The following SEMA3A variants were observed in gnomAD, a reference collection of about 807,000 sequenced individuals.
SEMA3A encodes semaphorin-3A.
Under a neutral mutation model 97.9 loss-of-function variants are expected in SEMA3A, and 29 were observed. The observed-to-expected ratio is 0.30, with a 90% CI of 0.22 to 0.40. SEMA3A has a LOEUF of 0.40. SEMA3A is among the 10% of genes least tolerant of loss of function. The pLI is 1.00. For synonymous variants in SEMA3A, 321 were observed against 323.7 expected (o/e 0.99, Z 0.09); for missense variants, 763 against 951.3 (o/e 0.80, Z 2.60).
At chr7:84,026,396 A>G (rs903432705) in intron 6 of SEMA3A, among the ~76,000 whole-genome samples, 5 of 152,210 alleles carry the variant, frequency 3.3e-5, no homozygotes, top group African/African-American at 7.2e-5. Context: ...TTTGTTTTCT[A>G]TTAAAAGTCT....
intron 3 of SEMA3A, among the ~76,000 whole-genome samples, chr7:84,206,957 T>G (rs553825326): frequency 6.6e-6 from 1 of 152,310 alleles, no homozygotes; most frequent in Admixed American, 6.5e-5. Flanking sequence ...CCTTTAAATA[T>G]TCAATTATTT....
At position 84,005,497 on chromosome 7, in the gene SEMA3A, G is replaced by A. The variant is rs771418664; in HGVS notation, c.1202C>T (p.Thr401Ile). ...CATGGCTGGATGACTTCTTGCAAAG[G>A]TTATAACATCATCAGGAAGGTCCTT... ...STKDLPDDVI[T>I]FARSHPAMYN... The change falls in exon 11 of 17, where the codon ACC becomes ATC. Residue 401 changes from threonine (T) to isoleucine (I), a missense_variant. This residue lies in a region of SEMA3A where 678 missense variants were observed against 881.3 expected (regional missense o/e 0.77). Coordinates refer to ENST00000265362, the MANE Select transcript of SEMA3A (RefSeq NM_006080.3). 4.3e-6 allele frequency: 7 copies of A among 1,614,000 alleles called. No homozygotes were observed. The highest frequency in any genetic ancestry group is 5.9e-6 in the Non-Finnish European group (7 of 1,179,966).
intron 9 of SEMA3A, among the ~76,000 whole-genome samples, chr7:84,008,249 TG>T (rs1364293837): frequency 1.3e-5 from 2 of 152,138 alleles, no homozygotes; most frequent in South Asian, 2.1e-4. Flanking sequence ...ACCGGCACTT[TG>T]GGAGGCCAAG....
intron 1 of SEMA3A, among the ~76,000 whole-genome samples, chr7:84,453,755 GC>G (rs1805621685): frequency 6.6e-6 from 1 of 152,036 alleles, no homozygotes; most frequent in South Asian, 2.1e-4. Context: ...ATAGCTGTCT[GC>G]CTTTCTTTGC....
At chr7:84,056,646 C>G (rs1052930497) in intron 5 of SEMA3A, among the ~76,000 whole-genome samples, 1 of 151,898 alleles carries the variant, frequency 6.6e-6, no homozygotes, top group Non-Finnish European at 1.5e-5. Context: ...CACATACACA[C>G]AGAGCACGGA....
intron 4 of SEMA3A, among the ~76,000 whole-genome samples, chr7:84,072,556 T>A (rs1458184518): frequency 3.3e-5 from 5 of 152,150 alleles, no homozygotes; most frequent in Admixed American, 3.3e-4. Context: ...CACCTTGTAT[T>A]TATTTTTGAG....
intron 3 of SEMA3A, among the ~76,000 whole-genome samples, chr7:84,215,056 A>G (rs181839411): frequency 1.3e-5 from 2 of 152,114 alleles, no homozygotes; most frequent in East Asian, 3.9e-4. Context: ...TATTTTTAGT[A>G]GAGACAGGGT....
intron 3 of SEMA3A, among the ~76,000 whole-genome samples, chr7:84,217,496 A>G (rs1798777300): frequency 6.6e-6 from 1 of 152,218 alleles, no homozygotes; most frequent in South Asian, 2.1e-4. Flanking sequence ...TTATGTTATA[A>G]TATGGCTTAC....
In SEMA3A at chr7:84,393,146, CT is replaced by C. The variant is rs535933177; in HGVS notation, c.-245-21247del. 8.4e-4 allele frequency among the ~76,000 whole-genome samples: 128 copies of C among 152,156 alleles called. 1 individual carries two copies. The highest frequency in any genetic ancestry group is 3.4e-3 in the Middle Eastern group (1 of 294). On this transcript the variant is annotated intron_variant, in intron 1 of 3. Coordinates refer to the SEMA3A transcript ENST00000424555. ...GAGCATTATTGTATAGTTTTTGCCCCTATGTTTTCTTCTAGACATTTTTAAG... is the reference window on the plus strand; with the variant it reads ...GAGCATTATTGTATAGTTTTTGCCCCATGTTTTCTTCTAGACATTTTTAAG...
intron 1 of SEMA3A, among the ~76,000 whole-genome samples, chr7:84,174,262 T>G (rs1386457006): frequency 6.6e-6 from 1 of 152,164 alleles, no homozygotes. Context: ...AATGGGTCCC[T>G]GGTGCCAAAA....
chr7:84,326,749 G>T (rs1395849539), intron 2 of SEMA3A, among the ~76,000 whole-genome samples: 1 of 151,916 alleles, frequency 6.6e-6, no homozygotes, highest in Non-Finnish European at 1.5e-5. Flanking sequence ...TAATGGTGCT[G>T]GGATAGCTGA....
chr7:84,368,011 A>G (rs1234261853), intron 2 of SEMA3A, among the ~76,000 whole-genome samples: 1 of 151,234 alleles, frequency 6.6e-6, no homozygotes, highest in East Asian at 1.9e-4. Context: ...TCACAAAAGT[A>G]GAAGTAATGC....
chr7:84,027,673 G>T (rs1584564689), intron 6 of SEMA3A, among the ~76,000 whole-genome samples: 1 of 152,178 alleles, frequency 6.6e-6, no homozygotes, highest in South Asian at 2.1e-4. Context: ...TTGGCTTATG[G>T]TTTACAAACT....
intron 5 of SEMA3A, among the ~76,000 whole-genome samples, chr7:84,055,686 C>G (rs1199711129): frequency 6.6e-6 from 1 of 152,234 alleles, no homozygotes; most frequent in East Asian, 1.9e-4. Flanking sequence ...ACGCTCGGAG[C>G]TGTAGATCGG....
intron 1 of SEMA3A, among the ~76,000 whole-genome samples, chr7:84,137,384 G>A (rs536752797): frequency 9.1e-4 from 118 of 130,154 alleles, no homozygotes; most frequent in Non-Finnish European, 1.6e-3. Flanking sequence ...CTGGGTGACA[G>A]AGCAACATTC....
chr7:84,097,501 AG>A (rs1794812045), intron 4 of SEMA3A, among the ~76,000 whole-genome samples: 2 of 152,158 alleles, frequency 1.3e-5, no homozygotes, highest in African/African-American at 4.8e-5. Flanking sequence ...AATCAGTGGC[AG>A]ACTTGCGAAT....
intron 1 of SEMA3A, among the ~76,000 whole-genome samples, chr7:84,159,889 A>C (rs1796972207): frequency 6.6e-6 from 1 of 152,150 alleles, no homozygotes; most frequent in African/African-American, 2.4e-5. Flanking sequence ...TAATTTGTGC[A>C]TTTTGCTGTT....
At chr7:84,460,427 A>C (rs1347879463) in intron 1 of SEMA3A, among the ~76,000 whole-genome samples, 2 of 147,340 alleles carry the variant, frequency 1.4e-5, no homozygotes, top group African/African-American at 5.4e-5. Flanking sequence ...AGTGAGAAGG[A>C]AGAAGAATAT....
chr7:84,067,459 A>G (rs1479006604), intron 4 of SEMA3A, among the ~76,000 whole-genome samples: 3 of 151,612 alleles, frequency 2.0e-5, no homozygotes, highest in Non-Finnish European at 3.0e-5. Context: ...GCACAGCAAA[A>G]GAAACTACCA....
Sources: gnomAD v4.1 joint callset for allele counts (sites outside exome capture counted in the v4.1 genomes callset) on GRCh38, gnomAD v4.1.1 for gene constraint, gnomAD v4.1.1 regional missense constraint, MANE v1.5 for transcripts, NCBI Gene and HGNC (gene_info 2026-07-23, HGNC 2026-07-21) for gene names.